The following MDGA2 variants were observed in gnomAD, a reference collection of about 807,000 sequenced individuals.
The protein encoded by MDGA2 is MAM domain-containing glycosylphosphatidylinositol anchor protein 2.
In MDGA2, 40 loss-of-function variants were observed where a neutral mutation model predicts 117.8. The ratio of observed to expected loss-of-function variants is 0.34; its 90% CI spans 0.26 to 0.44. MDGA2 has a LOEUF of 0.44. Ranked by LOEUF, MDGA2 falls within the 20% of genes least tolerant of loss-of-function variation. The pLI is 1.00. For missense variants in MDGA2, 1,123 were observed against 1,250.6 expected (o/e 0.90, Z 1.54); for synonymous variants, 452 against 439.0 (o/e 1.03, Z -0.37).
intron 8 of MDGA2, among the ~76,000 whole-genome samples, chr14:47,008,321 G>T (rs965321055): frequency 4.0e-5 from 6 of 151,872 alleles, no homozygotes; most frequent in African/African-American, 1.4e-4. Context: ...TTCCTAACAG[G>T]TAGTGTTGGC....
chr14:47,150,511 C>T (rs186296978), intron 3 of MDGA2, among the ~76,000 whole-genome samples: 12 of 152,270 alleles, frequency 7.9e-5, no homozygotes, highest in African/African-American at 2.9e-4. Context: ...ATAATTATTA[C>T]TTTCCTCTGA....
At chr14:47,564,251 A>G (rs1895874309) in intron 1 of MDGA2, among the ~76,000 whole-genome samples, 1 of 152,064 alleles carries the variant, frequency 6.6e-6, no homozygotes, top group African/African-American at 2.4e-5. Flanking sequence ...CTTTTGTAGT[A>G]TTTCACATGG....
At chr14:47,479,539 T>G (rs1203094253) in intron 1 of MDGA2, among the ~76,000 whole-genome samples, 1 of 152,154 alleles carries the variant, frequency 6.6e-6, no homozygotes, top group African/African-American at 2.4e-5. Flanking sequence ...CAGTGAAGAC[T>G]ACTTACATAC....
intron 10 of MDGA2, among the ~76,000 whole-genome samples, chr14:46,916,880 T>C (rs1003729490): frequency 8.6e-5 from 13 of 151,900 alleles, no homozygotes; most frequent in Non-Finnish European, 2.9e-5. Context: ...TAAAAGAAAA[T>C]CCTAAGAACA....
chr14:47,185,213 T>C (rs1295521726), intron 3 of MDGA2, among the ~76,000 whole-genome samples: 2 of 151,144 alleles, frequency 1.3e-5, no homozygotes, highest in East Asian at 1.9e-4. Context: ...ACCAGAATAA[T>C]ATTATGGAAG....
chr14:47,106,627 C>T (rs1017941022), intron 5 of MDGA2, among the ~76,000 whole-genome samples: 1 of 152,094 alleles, frequency 6.6e-6, no homozygotes, highest in Non-Finnish European at 1.5e-5. Context: ...TGACTCCTTC[C>T]CAGATCTTCT....
At chr14:47,055,536 A>T (rs1218427380) in intron 7 of MDGA2, among the ~76,000 whole-genome samples, 2 of 152,148 alleles carry the variant, frequency 1.3e-5, no homozygotes, top group Non-Finnish European at 2.9e-5. Context: ...TATATCTGTT[A>T]ATAAGATTTT....
intron 7 of MDGA2, among the ~76,000 whole-genome samples, chr14:47,060,998 C>G (rs1889861905): frequency 6.6e-6 from 1 of 151,866 alleles, no homozygotes; most frequent in East Asian, 1.9e-4. Context: ...AACTTATAAG[C>G]CTATATCTAT....
At chr14:47,210,764 A>G (rs189171881) in intron 3 of MDGA2, among the ~76,000 whole-genome samples, 10 of 152,266 alleles carry the variant, frequency 6.6e-5, no homozygotes, top group Non-Finnish European at 8.8e-5. Flanking sequence ...CACGCCTGTA[A>G]TCCCAACACT....
chr14:47,007,684 A>T (rs1401702388), intron 8 of MDGA2, among the ~76,000 whole-genome samples: 1 of 151,778 alleles, frequency 6.6e-6, no homozygotes, highest in African/African-American at 2.4e-5. Flanking sequence ...ATTAAAGAAG[A>T]TAGGTAGGAA....
intron 1 of MDGA2, among the ~76,000 whole-genome samples, chr14:47,567,756 A>T (rs1955799): frequency 5.7e-4 from 86 of 152,124 alleles, no homozygotes; most frequent in Non-Finnish European, 9.9e-4. Flanking sequence ...CACTAAACTA[A>T]GGCCTTAACT....
intron 2 of MDGA2, among the ~76,000 whole-genome samples, chr14:47,257,570 A>C (rs904124743): frequency 3.9e-5 from 6 of 152,158 alleles, no homozygotes; most frequent in Non-Finnish European, 7.4e-5. Context: ...TTTTGTTCAT[A>C]AGTGGTTTGC....
At chr14:46,866,985 G>A (rs1344347126) in intron 14 of MDGA2, among the ~76,000 whole-genome samples, 27 of 151,978 alleles carry the variant, frequency 1.8e-4, no homozygotes, top group African/African-American at 6.0e-4. Context: ...TCAGTGTGGC[G>A]ATTCCTCAGG....
intron 1 of MDGA2, among the ~76,000 whole-genome samples, chr14:47,611,257 A>G (rs1413520783): frequency 6.6e-6 from 1 of 152,210 alleles, no homozygotes; most frequent in Non-Finnish European, 1.5e-5. Flanking sequence ...TAAAAATTCT[A>G]GAAAATTACA....
intron 9 of MDGA2, among the ~76,000 whole-genome samples, chr14:46,941,850 T>C (rs1294782651): frequency 6.6e-6 from 1 of 152,196 alleles, no homozygotes; most frequent in Non-Finnish European, 1.5e-5. Flanking sequence ...ATTTACAAAT[T>C]AGATCTAATG....
chr14:47,573,115 G>A (rs928988065), intron 1 of MDGA2, among the ~76,000 whole-genome samples: 14 of 151,936 alleles, frequency 9.2e-5, no homozygotes, highest in East Asian at 1.9e-4. Context: ...AATTTAATGC[G>A]TAATCCCATA....
intron 1 of MDGA2, among the ~76,000 whole-genome samples, chr14:47,588,578 T>C (rs1395841776): frequency 6.6e-6 from 1 of 151,842 alleles, no homozygotes; most frequent in Non-Finnish European, 1.5e-5. Context: ...ATTGAGTAAT[T>C]TATCTTTTTC....
intron 6 of MDGA2, among the ~76,000 whole-genome samples, chr14:47,074,163 CAG>C (rs1315212795): frequency 6.6e-6 from 1 of 151,708 alleles, no homozygotes; most frequent in Non-Finnish European, 1.5e-5. Flanking sequence ...TAATATAATA[CAG>C]AAAGTCTTTC....
chr14:47,645,148 C>T (rs1166308356), intron 1 of MDGA2, among the ~76,000 whole-genome samples: 1 of 152,068 alleles, frequency 6.6e-6, no homozygotes, highest in Admixed American at 6.6e-5. Flanking sequence ...CTTTAATCCA[C>T]GGAATTTGTG....
Sources: allele counts gnomAD v4.1 joint callset (sites outside exome capture counted in the v4.1 genomes callset), GRCh38; gene constraint gnomAD v4.1.1; transcripts MANE v1.5; gene names NCBI Gene and HGNC (gene_info 2026-07-23, HGNC 2026-07-21).